The following CLDN10 variants were observed in gnomAD, a reference collection of about 807,000 sequenced individuals.
CLDN10 encodes the protein claudin 10.
CLDN10 carries 15 observed loss-of-function variants against 22.9 expected under a neutral mutation model. That is an observed-to-expected ratio of 0.65 (90% CI 0.44 to 1.01). The LOEUF (loss-of-function observed/expected upper bound fraction) is 1.01. Among genes scored for constraint, CLDN10 ranks in the 50% least tolerant of loss-of-function variants. The pLI is 0.00. For synonymous variants in CLDN10, 114 were observed against 111.4 expected (o/e 1.02, Z -0.15); for missense variants, 247 against 287.8 (o/e 0.86, Z 1.03).
At chr13:95,479,217 C>G (rs1159485652) in intron 1 of CLDN10, among the ~76,000 whole-genome samples, 1 of 152,020 alleles carries the variant, frequency 6.6e-6, no homozygotes, top group Non-Finnish European at 1.5e-5. Flanking sequence ...GGTGTGGTGG[C>G]GGGTGCCTGT....
At chr13:95,504,053 A>T (rs1234236994) in intron 1 of CLDN10, among the ~76,000 whole-genome samples, 3 of 152,242 alleles carry the variant, frequency 2.0e-5, no homozygotes, top group African/African-American at 7.2e-5. Context: ...ATGGAATTAC[A>T]GGAAAATGCA....
chr13:95,547,999 G>C (rs1049979921), upstream of CLDN10, among the ~76,000 whole-genome samples: 4 of 152,138 alleles, frequency 2.6e-5, no homozygotes, highest in Admixed American at 2.6e-4. Flanking sequence ...TAGACTCAGG[G>C]GTTTTTGGAG....
rs1439714730 is a variant in CLDN10, at chr13:95,569,605, A to G, written c.465-7626A>G. On this transcript the variant is annotated intron_variant, in intron 3 of 4. Transcript: ENST00000299339. ...TCTGCCTCAAAAAATAAATAAATAG[A>G]TATAAAATAAAATAAATAAGGCTTG... 1.3e-5 allele frequency among the ~76,000 whole-genome samples: 2 copies of G among 152,084 alleles called. 1 individual carries two copies. The highest frequency in any genetic ancestry group is 4.8e-5 in the African/African-American group (2 of 41,416).
upstream of CLDN10, among the ~76,000 whole-genome samples, chr13:95,552,098 G>A (rs2043572395): frequency 6.6e-6 from 1 of 152,222 alleles, no homozygotes; most frequent in African/African-American, 2.4e-5. Context: ...CCTGTGCCAC[G>A]CACCGTTTTG....
In CLDN10 at chr13:95,515,650, T is replaced by A. The variant is rs181917376; in HGVS notation, c.215-44482T>A. 3.7e-4 allele frequency among the ~76,000 whole-genome samples: 56 copies of A among 152,264 alleles called. No individual in the cohort carries two copies. In the East Asian group the frequency reaches 9.8e-3, roughly 27 times the overall value. On this transcript the variant is annotated intron_variant, in intron 1 of 4. Coordinates refer to the CLDN10 transcript ENST00000376873. ...GATTCACCTCAGAGCTCACCTTCTCTCTGTGCCATCATACAGCTAACTACC... is the reference window on the plus strand; with the variant it reads ...GATTCACCTCAGAGCTCACCTTCTCACTGTGCCATCATACAGCTAACTACC...
In CLDN10 at chr13:95,492,181, G is replaced by A. The variant is rs116619545; in HGVS notation, c.214+58134G>A. On this transcript the variant is annotated intron_variant, in intron 1 of 4. Transcript: ENST00000376873. Reference sequence around the variant, plus strand: ...TGGTGCTTTCCAGAAAGCATCAGCTGTAGTCATGTGGAAAGGGACTGGTGG... The same window carrying A: ...TGGTGCTTTCCAGAAAGCATCAGCTATAGTCATGTGGAAAGGGACTGGTGG... Among the ~76,000 whole-genome samples the A allele has an allele frequency of 2.5e-3, 384 of 152,266 alleles. 3 individuals carry two copies. Among genetic ancestry groups the A allele is most frequent in the African/African-American group, 8.9e-3 (371 of 41,552 alleles).
upstream of CLDN10, among the ~76,000 whole-genome samples, chr13:95,550,181 T>C (rs968317503): frequency 3.3e-5 from 5 of 152,344 alleles, no homozygotes; most frequent in East Asian, 9.6e-4. Context: ...TTCTTCCGGA[T>C]GCTATGTTGC....
chr13:95,566,819 C>T (rs2043793501), intron 3 of CLDN10, among the ~76,000 whole-genome samples: 3 of 152,084 alleles, frequency 2.0e-5, no homozygotes. Flanking sequence ...GGAAGGGATC[C>T]AGTTTCAGCT....
intron 1 of CLDN10, among the ~76,000 whole-genome samples, chr13:95,532,101 G>A (rs1421334400): frequency 6.6e-6 from 1 of 152,090 alleles, no homozygotes; most frequent in African/African-American, 2.4e-5. Context: ...TTGGGGGTAG[G>A]CAAAGGTTTC....
At chr13:95,575,585 C>T (rs1367746837) in intron 3 of CLDN10, among the ~76,000 whole-genome samples, 1 of 103,546 alleles carries the variant, frequency 9.7e-6, no homozygotes, top group East Asian at 3.2e-4. Flanking sequence ...CTTCGCTGCT[C>T]AGTTCGTGTG....
At chr13:95,536,798 T>C (rs532263375) in intron 1 of CLDN10, among the ~76,000 whole-genome samples, 1 of 20,332 alleles carries the variant, frequency 4.9e-5, no homozygotes, top group Admixed American at 7.4e-4. Context: ...CTGCATGCCT[T>C]TTTAAAAAAA....
chr13:95,564,743 AG>A (rs1385222894), intron 3 of CLDN10, among the ~76,000 whole-genome samples: 3 of 152,218 alleles, frequency 2.0e-5, no homozygotes, highest in African/African-American at 7.2e-5. Flanking sequence ...GGAACTCAAC[AG>A]GAGCTTTGTT....
intron 1 of CLDN10, among the ~76,000 whole-genome samples, chr13:95,540,985 A>T (rs2043454443): frequency 6.6e-6 from 1 of 152,244 alleles, no homozygotes; most frequent in Non-Finnish European, 1.5e-5. Flanking sequence ...GTTGACAAGT[A>T]TGTGACTTGG....
In CLDN10 at chr13:95,556,321, C is replaced by G. The variant is rs141305974; in HGVS notation, c.220+3348C>G. Among the ~76,000 whole-genome samples the G allele has an allele frequency of 5.4e-3, 825 of 152,308 alleles. 11 individuals carry two copies. The highest frequency in any genetic ancestry group is 0.019 in the African/African-American group (787 of 41,546). ...TCTGCCTCTCAAAGTGCTGGGATTACAGGCATGAGCCATGCGCCCAGCCCT... is the reference window on the plus strand; with the variant it reads ...TCTGCCTCTCAAAGTGCTGGGATTAGAGGCATGAGCCATGCGCCCAGCCCT... On this transcript the variant is annotated intron_variant, in intron 1 of 4. Transcript: ENST00000299339.
chr13:95,538,737 C>G (rs535727057), intron 1 of CLDN10, among the ~76,000 whole-genome samples: 21 of 152,336 alleles, frequency 1.4e-4, no homozygotes, highest in African/African-American at 5.1e-4. Context: ...TCCTCTTCCT[C>G]TGCCTATTGC....
intron 1 of CLDN10, among the ~76,000 whole-genome samples, chr13:95,492,336 G>T (rs1182173707): frequency 3.3e-5 from 5 of 151,694 alleles, no homozygotes; most frequent in Non-Finnish European, 5.9e-5. Flanking sequence ...GGCAGGTCTT[G>T]CTTCAGCTGC....
chr13:95,488,283 C>T (rs1176048729), intron 1 of CLDN10, among the ~76,000 whole-genome samples: 1 of 151,338 alleles, frequency 6.6e-6, no homozygotes, highest in African/African-American at 2.4e-5. Flanking sequence ...GTGGAAGTAT[C>T]CACCCACCTC....
At position 95,563,935 on chromosome 13, in the gene CLDN10, G is replaced by A. The variant is rs919914458; in HGVS notation, c.464+3472G>A. On this transcript the variant is annotated intron_variant, in intron 3 of 4. Coordinates refer to ENST00000299339, the MANE Select transcript of CLDN10 (RefSeq NM_006984.5). ...TGAACTGATTTCCTAGCTCTCAAATGTCATCTTTAAAGCAATATTTTATTT... is the reference window on the plus strand; with the variant it reads ...TGAACTGATTTCCTAGCTCTCAAATATCATCTTTAAAGCAATATTTTATTT... Among the ~76,000 whole-genome samples the A allele has an allele frequency of 3.9e-5, 6 of 152,258 alleles. No homozygotes were observed. In the South Asian group the frequency reaches 1.2e-3, roughly 32 times the overall value.
chr13:95,448,137 G>A (rs2042398574), intron 1 of CLDN10, among the ~76,000 whole-genome samples: 1 of 151,828 alleles, frequency 6.6e-6, no homozygotes, highest in Non-Finnish European at 1.5e-5. Flanking sequence ...CATACACCAG[G>A]CAGGTTCTAC....
Sources: allele counts gnomAD v4.1 joint callset (sites outside exome capture counted in the v4.1 genomes callset), GRCh38; gene constraint gnomAD v4.1.1; transcripts MANE v1.5; gene names NCBI Gene and HGNC (gene_info 2026-07-23, HGNC 2026-07-21).